Variants in RAE1 observed in about 807,000 individuals in gnomAD.
RAE1 encodes the protein ribonucleic acid export 1, also known as mRNA export factor RAE1.
RAE1 carries 13 observed loss-of-function variants against 52.7 expected under a neutral mutation model. The ratio of observed to expected loss-of-function variants is 0.25; its 90% CI spans 0.16 to 0.39. RAE1 has a LOEUF of 0.39. Among genes scored for constraint, RAE1 ranks in the 10% least tolerant of loss-of-function variants. The pLI, the probability that RAE1 is intolerant of heterozygous loss-of-function variation, is 1.00. For synonymous variants in RAE1, 164 were observed against 153.1 expected, an observed-to-expected ratio of 1.07 and a Z score of -0.52; for missense variants, 262 against 459.8, an observed-to-expected ratio of 0.57 and a Z score of 3.93.
chr20:57,376,661 AGT>A (rs1280704931), intron 11 of RAE1, among the ~76,000 whole-genome samples: 1 of 152,054 alleles, frequency 6.6e-6, no homozygotes, highest in African/African-American at 2.4e-5. Context: ...TTGTGACAAG[AGT>A]GTACTTTTTT....
chr20:57,374,481 G>A (rs527762985), intron 10 of RAE1, 126 bp from the exon 11 acceptor site: 3 of 876,518 alleles, frequency 3.4e-6, no homozygotes, highest in African/African-American at 1.7e-5. Flanking sequence ...TGCTATCAGC[G>A]GGCAGCAGCT....
chr20:57,373,759 A>C, intron 10 of RAE1, 21 bp downstream of exon 10: 1 of 1,604,208 alleles, frequency 6.2e-7, no homozygotes, highest in Non-Finnish European at 8.5e-7. Context: ...AGACACTTTA[A>C]CCGTGGTAAT....
chr20:57,352,556 C>A lies in RAE1; in HGVS notation c.-8+1134C>A, dbSNP rs761663792. Among the ~76,000 whole-genome samples the A allele has an allele frequency of 3.8e-4, 58 of 152,310 alleles. 1 individual carries two copies. Among genetic ancestry groups the A allele is most frequent in the Admixed American group, 1.0e-3 (16 of 15,300 alleles). On this transcript the variant is annotated intron_variant, in intron 1 of 11. Coordinates refer to ENST00000395841, the MANE Select transcript of RAE1 (RefSeq NM_003610.4). ...CCAGTGCTCAGCATAAGGTGTGGTC[C>A]ACACTGACTAACACGAACGATTCTC... is the stretch of plus-strand genomic sequence containing the variant.
In RAE1 at chr20:57,366,814, C is replaced by G. The variant is rs994960373; in HGVS notation, c.383C>G (p.Ala128Gly). The G allele has an allele frequency of 5.0e-6, 8 of 1,611,848 alleles. No homozygotes were observed. The highest frequency in any genetic ancestry group is 6.8e-6 in the Non-Finnish European group (8 of 1,177,908). Residue 128 changes from alanine (A) to glycine (G), a missense_variant, in exon 6 of 12, where the codon GCT (alanine) becomes GGT (glycine). Coordinates refer to ENST00000395841, the MANE Select transcript of RAE1 (RefSeq NM_003610.4). Reference sequence around the variant, plus strand: ...TTTTTGTCTTGTTGAAAGCATGATGCTCCTGTTAAAACCATCCATTGGATC... The same window carrying G: ...TTTTTGTCTTGTTGAAAGCATGATGGTCCTGTTAAAACCATCCATTGGATC... ...NQAIQIAQHD[A>G]PVKTIHWIKA...
At chr20:57,352,474 G>A (rs1600700866) in intron 1 of RAE1, among the ~76,000 whole-genome samples, 1 of 152,262 alleles carries the variant, frequency 6.6e-6, no homozygotes, top group South Asian at 2.1e-4. Context: ...GGGAGAGAGC[G>A]GGAAGAGATT....
chr20:57,361,788 T>C (rs146543679), intron 4 of RAE1, among the ~76,000 whole-genome samples: 268 of 152,304 alleles, frequency 1.8e-3, no homozygotes, highest in African/African-American at 6.2e-3. Context: ...AGATGTCTTA[T>C]TTAAAGGGAA....
At chr20:57,364,795 TTAGA>T (rs1211646202) in intron 4 of RAE1, among the ~76,000 whole-genome samples, 2 of 152,234 alleles carry the variant, frequency 1.3e-5, no homozygotes, top group African/African-American at 4.8e-5. Context: ...ATTTGACAAG[TTAGA>T]TAGGACCAAT....
In RAE1 at chr20:57,373,536, G is replaced by T. The variant is rs764034237; in HGVS notation, c.704G>T (p.Ser235Ile). 6.2e-7 allele frequency: 1 copy of T among 1,614,182 alleles called. No homozygotes were observed. Among genetic ancestry groups the T allele is most frequent in the South Asian group, 1.1e-5 (1 of 91,086 alleles). Residue 235 changes from serine to isoleucine, a missense_variant, in exon 9 of 12, where the codon AGT becomes ATT. Ser to Ile is a moderately radical substitution (Grantham distance 142, BLOSUM62 -2). Transcript: ENST00000395841. ...QNKPTGFALG[S>I]IEGRVAIHYI... ...AAGCCTACTGGTTTTGCCCTGGGAA[G>T]TATCGAGGGGAGAGTTGCTATTCAC...
chr20:57,368,192 T>C (rs1453429760), intron 7 of RAE1, among the ~76,000 whole-genome samples: 2 of 152,222 alleles, frequency 1.3e-5, no homozygotes, highest in African/African-American at 4.8e-5. Context: ...GGCTGGTCTT[T>C]GTTTTATGTA....
chr20:57,374,868 C>G lies in RAE1; in HGVS notation c.1020+67C>G, dbSNP rs1033482384. 3 of 1,572,752 alleles carry G rather than the reference C, an allele frequency of 1.9e-6. No individual in the cohort carries two copies. The African/African-American group carries it at 4.1e-5, about 21-fold the overall frequency. On this transcript the variant is annotated intron_variant, in intron 11 of 11. Transcript: ENST00000395841. ...GAGCCAGGCTCTGGGTTCAGAAGGC[C>G]TAGGCCTGAGTTGTGACTCTTCTCA...
At chr20:57,368,166 G>T (rs1249351472) in intron 7 of RAE1, among the ~76,000 whole-genome samples, 1 of 152,164 alleles carries the variant, frequency 6.6e-6, no homozygotes, top group Non-Finnish European at 1.5e-5. Context: ...GATTACAGGC[G>T]TGAGCCACCA....
chr20:57,366,329 A>G (rs1600719131), intron 5 of RAE1, among the ~76,000 whole-genome samples: 1 of 152,202 alleles, frequency 6.6e-6, no homozygotes, highest in East Asian at 1.9e-4. Context: ...GGTAATTTAT[A>G]GAGAAAAGAA....
At chr20:57,358,664 C>G in intron 4 of RAE1, 1 of 227,888 alleles carries the variant, frequency 4.4e-6, no homozygotes, top group Non-Finnish European at 8.5e-6. Flanking sequence ...AGCGGCTACA[C>G]CATTAGGATG....
At chr20:57,351,640 G>T in intron 1 of RAE1, 1 of 985,548 alleles carries the variant, frequency 1.0e-6, no homozygotes, top group Non-Finnish European at 1.2e-6. Flanking sequence ...GGGGAACTGA[G>T]CCTCTGGGAA....
At chr20:57,354,284 G>A (rs549568891) in intron 2 of RAE1, among the ~76,000 whole-genome samples, 156 bp downstream of exon 2, 5 of 152,350 alleles carry the variant, frequency 3.3e-5, no homozygotes, top group Admixed American at 6.5e-5. Flanking sequence ...CACAGAAAAT[G>A]TGTCCCCGTA....
At chr20:57,360,749 C>T (rs1444951949) in intron 4 of RAE1, among the ~76,000 whole-genome samples, 5 of 152,110 alleles carry the variant, frequency 3.3e-5, no homozygotes, top group African/African-American at 9.7e-5. Context: ...GTGGCGGGCA[C>T]GAAATTAACC....
chr20:57,376,173 C>A (rs1203217954), intron 11 of RAE1, among the ~76,000 whole-genome samples: 1 of 152,248 alleles, frequency 6.6e-6, no homozygotes, highest in South Asian at 2.1e-4. Context: ...CCTCTGACCC[C>A]TCCAGGCCTG....
intron 4 of RAE1, chr20:57,358,900 G>A: frequency 7.8e-7 from 1 of 1,282,970 alleles, no homozygotes; most frequent in Non-Finnish European, 1.0e-6. Flanking sequence ...GGGCCTGTAG[G>A]CTTGTTGGAG....
intron 5 of RAE1, among the ~76,000 whole-genome samples, chr20:57,366,442 A>G (rs930905856): frequency 1.3e-4 from 20 of 152,202 alleles, no homozygotes; most frequent in Non-Finnish European, 2.2e-4. Flanking sequence ...GGCACATCAC[A>G]TGGCAAAAGC....
Sources: gnomAD v4.1 joint callset for allele counts (sites outside exome capture counted in the v4.1 genomes callset) on GRCh38, gnomAD v4.1.1 for gene constraint, MANE v1.5 for transcripts, NCBI Gene and HGNC (gene_info 2026-07-23, HGNC 2026-07-21) for gene names.